The following GRID1 variants were observed in gnomAD, a reference collection of about 807,000 sequenced individuals.
The protein encoded by GRID1 is glutamate receptor ionotropic, delta-1.
GRID1 carries 28 observed loss-of-function variants against 98.0 expected under a neutral mutation model. The observed-to-expected ratio is 0.29, with a 90% CI of 0.21 to 0.39. GRID1 has a LOEUF of 0.39. Ranked by LOEUF, GRID1 falls within the 10% of genes least tolerant of loss-of-function variation. GRID1 has a pLI of 1.00. For missense variants in GRID1, 1,111 were observed against 1,340.5 expected (o/e 0.83, Z 2.67); for synonymous variants, 553 against 538.5 (o/e 1.03, Z -0.37).
Position 86,044,492 on chromosome 10 carries a change from A to G in GRID1, c.726+94327T>C, listed in dbSNP as rs972388604. On this transcript the variant is annotated intron_variant, in intron 4 of 15. Transcript: ENST00000327946. ...TTTGCTTAGTAAAGAAGAATTAGGC[A>G]TTCATAAAAGCTACCCTCTCATCTG... is the stretch of plus-strand genomic sequence containing the variant. Among the ~76,000 whole-genome samples the G allele has an allele frequency of 5.3e-5, 8 of 152,342 alleles. No homozygotes were observed. The East Asian group carries it at 1.2e-3, about 22-fold the overall frequency.
At chr10:85,746,997 A>C (rs752041694) in intron 8 of GRID1, among the ~76,000 whole-genome samples, 7 of 152,178 alleles carry the variant, frequency 4.6e-5, no homozygotes, top group Non-Finnish European at 8.8e-5. Context: ...CCTCCCATAC[A>C]GTAGGTGAAC....
At chr10:85,838,697 C>T (rs71471177) in intron 8 of GRID1, among the ~76,000 whole-genome samples, 10,439 of 152,214 alleles carry the variant, frequency 0.069, 393 homozygotes, top group Non-Finnish European at 0.081. Context: ...CAAAAATACA[C>T]TGAAGTACAC....
At chr10:85,670,411 TTC>T (rs966700110) in intron 12 of GRID1, among the ~76,000 whole-genome samples, 2 of 152,202 alleles carry the variant, frequency 1.3e-5, no homozygotes, top group Non-Finnish European at 2.9e-5. Flanking sequence ...CCCACTGTAT[TTC>T]TATCTTGAAT....
chr10:86,022,716 G>A (rs897008805), intron 4 of GRID1, among the ~76,000 whole-genome samples: 2 of 151,862 alleles, frequency 1.3e-5, no homozygotes, highest in African/African-American at 2.4e-5. Context: ...TCAGGAGTTC[G>A]AGACCAGCCT....
intron 8 of GRID1, among the ~76,000 whole-genome samples, chr10:85,788,647 T>C (rs1842451584): frequency 6.6e-6 from 1 of 152,244 alleles, no homozygotes; most frequent in Non-Finnish European, 1.5e-5. Context: ...ATCTTCTGGG[T>C]CACTGATTTA....
At chr10:86,220,773 C>T (rs1304923405) in intron 2 of GRID1, among the ~76,000 whole-genome samples, 2 of 152,212 alleles carry the variant, frequency 1.3e-5, no homozygotes, top group African/African-American at 4.8e-5. Context: ...ACCTCATCGC[C>T]GTCCTAACAG....
At chr10:85,629,043 A>G (rs1242888831) in intron 13 of GRID1, among the ~76,000 whole-genome samples, 2 of 152,114 alleles carry the variant, frequency 1.3e-5, no homozygotes, top group Non-Finnish European at 2.9e-5. Flanking sequence ...CTACAACAGT[A>G]GGACATGGCT....
At chr10:85,883,530 GTC>G (rs71016116) in intron 5 of GRID1, among the ~76,000 whole-genome samples, 23 of 119,292 alleles carry the variant, frequency 1.9e-4, no homozygotes, top group South Asian at 5.0e-4. Context: ...CTCTCTCTCT[GTC>G]TCTCTCTCTC....
At chr10:86,357,220 G>T (rs1252927437) in intron 2 of GRID1, among the ~76,000 whole-genome samples, 1 of 152,256 alleles carries the variant, frequency 6.6e-6, no homozygotes, top group African/African-American at 2.4e-5. Context: ...GCTGTTTCCA[G>T]GCTGGGAGGG....
At chr10:86,060,926 C>A (rs1268085684) in intron 4 of GRID1, among the ~76,000 whole-genome samples, 1 of 152,174 alleles carries the variant, frequency 6.6e-6, no homozygotes, top group Non-Finnish European at 1.5e-5. Context: ...CAGGCACTAG[C>A]AGATCAGTTG....
chr10:86,072,470 C>G (rs1345747347), intron 4 of GRID1, among the ~76,000 whole-genome samples: 1 of 152,170 alleles, frequency 6.6e-6, no homozygotes, highest in African/African-American at 2.4e-5. Context: ...GAGTCCATAA[C>G]TACTCTTTCG....
In GRID1 at chr10:85,972,003, T is replaced by C. The variant is rs75539812; in HGVS notation, c.727-55764A>G. Among the ~76,000 whole-genome samples, 335 of 152,272 alleles carry C rather than the reference T, an allele frequency of 2.2e-3. 2 individuals are homozygous for C. Among genetic ancestry groups the C allele is most frequent in the African/African-American group, 7.6e-3 (318 of 41,570 alleles). On this transcript the variant is annotated intron_variant, in intron 4 of 15. Transcript: ENST00000327946. ...TATATTCTTACAAAGGAATTCTACATGTCTACGTGGTAACAAATGAGAATC... is the reference window on the plus strand; with the variant it reads ...TATATTCTTACAAAGGAATTCTACACGTCTACGTGGTAACAAATGAGAATC...
intron 4 of GRID1, among the ~76,000 whole-genome samples, chr10:86,133,324 A>ATGTG (rs148858362): frequency 6.6e-6 from 1 of 151,780 alleles, no homozygotes; most frequent in African/African-American, 2.4e-5. Flanking sequence ...CCATGTGTGC[A>ATGTG]TGTGTGTGTG....
At chr10:85,764,558 C>G (rs1034915855) in intron 8 of GRID1, among the ~76,000 whole-genome samples, 54 of 152,188 alleles carry the variant, frequency 3.5e-4, no homozygotes, top group African/African-American at 1.3e-3. Flanking sequence ...GGGTCCAGCA[C>G]AATACAGGGC....
chr10:85,775,081 G>A (rs1344081057), intron 8 of GRID1, among the ~76,000 whole-genome samples: 1 of 152,138 alleles, frequency 6.6e-6, no homozygotes, highest in Non-Finnish European at 1.5e-5. Context: ...CAACCCAAAT[G>A]TCCATCAATG....
Position 85,844,186 on chromosome 10 carries a change from T to C in GRID1, c.1233+10310A>G, listed in dbSNP as rs114554327. Among the ~76,000 whole-genome samples the C allele has an allele frequency of 2.3e-3, 355 of 152,104 alleles. 1 individual carries two copies. The highest frequency in any genetic ancestry group is 7.8e-3 in the African/African-American group (324 of 41,518). The stretch of plus-strand genomic sequence containing the variant: ...AAAGCCAATAAAAATTATAATACTG[T>C]GTGATTCAACATATATAATATTTTT... On this transcript the variant is annotated intron_variant, in intron 8 of 15. Transcript: ENST00000327946.
chr10:86,298,995 C>T (rs1438601145), intron 2 of GRID1, among the ~76,000 whole-genome samples: 1 of 152,136 alleles, frequency 6.6e-6, no homozygotes, highest in Non-Finnish European at 1.5e-5. Context: ...AAGGAGCTCA[C>T]ATATCTGAGG....
intron 4 of GRID1, among the ~76,000 whole-genome samples, chr10:85,929,929 C>T (rs957922761): frequency 2.6e-5 from 4 of 152,056 alleles, no homozygotes; most frequent in African/African-American, 9.7e-5. Flanking sequence ...TCTCTTAATC[C>T]TCTCATCCTT....
chr10:85,887,174 T>G (rs751191381), intron 5 of GRID1, among the ~76,000 whole-genome samples: 3 of 152,186 alleles, frequency 2.0e-5, no homozygotes, highest in Non-Finnish European at 4.4e-5. Context: ...GAATGTGTGT[T>G]GCATTCAGGT....
Sources: allele counts gnomAD v4.1 joint callset (sites outside exome capture counted in the v4.1 genomes callset), GRCh38; gene constraint gnomAD v4.1.1; transcripts MANE v1.5; gene names NCBI Gene and HGNC (gene_info 2026-07-23, HGNC 2026-07-21).